DCUN1D4: variants seen among roughly 807,000 people sequenced by gnomAD.
DCUN1D4 encodes defective in cullin neddylation 1 domain containing 4, also known as DCN1-like protein 4.
A neutral mutation model predicts 47.9 loss-of-function variants in DCUN1D4; 22 were observed. The ratio of observed to expected loss-of-function variants is 0.46; its 90% CI spans 0.33 to 0.66. The LOEUF is 0.66. DCUN1D4 is among the 30% of genes least tolerant of loss of function. The probability of loss-of-function intolerance (pLI) is 0.02; values close to 1 mark genes in which losing one functional copy is unlikely to be tolerated. For synonymous variants in DCUN1D4, 121 were observed against 112.2 expected (o/e 1.08, Z -0.50); for missense variants, 301 against 340.8 (o/e 0.88, Z 0.92).
intron 1 of DCUN1D4, among the ~76,000 whole-genome samples, chr4:51,845,475 T>G (rs900632656): frequency 7.9e-5 from 12 of 152,192 alleles, no homozygotes; most frequent in African/African-American, 2.9e-4. Flanking sequence ...ACTTTTTTTG[T>G]TTGCTTGTTT....
chr4:51,912,610 C>G (rs1733867245), intron 9 of DCUN1D4, among the ~76,000 whole-genome samples: 1 of 152,190 alleles, frequency 6.6e-6, no homozygotes, highest in South Asian at 2.1e-4. Flanking sequence ...TACAGGGATA[C>G]TGTATTTTTA....
chr4:51,887,056 A>C lies in DCUN1D4; in HGVS notation c.414+418A>C, dbSNP rs571176418. On this transcript the variant is annotated intron_variant, in intron 6 of 10. Transcript: ENST00000334635. The stretch of plus-strand genomic sequence containing the variant: ...TTTTGAGTAGATTGTAATCATCAAG[A>C]ATTTTTCATAGATCGTTTACTTCCA... The C allele has an allele frequency of 1.1e-4, 51 of 452,572 alleles. No homozygotes were observed. In the East Asian group the frequency reaches 2.3e-3, roughly 20 times the overall value. 28.0% of individuals were successfully genotyped at this position (452,572 alleles called of 1,614,324 possible). A position where few individuals can be genotyped will look rare whatever the true frequency, so the allele number is the denominator to read the frequency against.
intron 5 of DCUN1D4, among the ~76,000 whole-genome samples, chr4:51,879,212 C>A (rs1351277768): frequency 6.6e-6 from 1 of 152,190 alleles, no homozygotes; most frequent in Admixed American, 6.5e-5. Flanking sequence ...CACATGGATG[C>A]TGTTAGCATT....
rs549796443 is a variant in DCUN1D4, at chr4:51,890,402, A to T, written c.415-1358A>T. ...GAAGCCTTAGGCTCTACGTAAAGAG[A>T]TCAAATTAACTGCCAGTGTCGGATA... On this transcript the variant is annotated intron_variant, in intron 6 of 10. Coordinates refer to ENST00000334635, the MANE Select transcript of DCUN1D4 (RefSeq NM_001040402.3). 3.3e-5 allele frequency among the ~76,000 whole-genome samples: 5 copies of T among 152,310 alleles called. No homozygotes were observed. The South Asian group carries it at 1.0e-3, about 32-fold the overall frequency.
intron 5 of DCUN1D4, among the ~76,000 whole-genome samples, chr4:51,885,884 A>G (rs1298434662): frequency 6.6e-6 from 1 of 152,212 alleles, no homozygotes; most frequent in Non-Finnish European, 1.5e-5. Context: ...AGATTTTCAG[A>G]TATCACACAA....
intron 1 of DCUN1D4, among the ~76,000 whole-genome samples, chr4:51,849,861 G>C (rs564199390): frequency 6.6e-6 from 1 of 151,988 alleles, no homozygotes; most frequent in Non-Finnish European, 1.5e-5. Flanking sequence ...GTGTGTGTGT[G>C]TGCGTGTTTT....
chr4:51,869,377 A>C (rs1037166951), intron 3 of DCUN1D4, among the ~76,000 whole-genome samples: 1 of 152,142 alleles, frequency 6.6e-6, no homozygotes, highest in African/African-American at 2.4e-5. Context: ...ATGAAAAGTG[A>C]GGTGAAATAG....
At chr4:51,863,381 T>C (rs1725377572) in intron 1 of DCUN1D4, 56 bp from the exon 2 acceptor site, 3 of 1,362,894 alleles carry the variant, frequency 2.2e-6, no homozygotes, top group African/African-American at 2.9e-5. Flanking sequence ...TCTGAGTTTG[T>C]TTTTTTACAA....
At chr4:51,902,622 C>CTGTT (rs1560514437) in intron 8 of DCUN1D4, among the ~76,000 whole-genome samples, 1 of 151,896 alleles carries the variant, frequency 6.6e-6, no homozygotes, top group Non-Finnish European at 1.5e-5. Flanking sequence ...TACTTTTAAC[C>CTGTT]TGTTTGTTTC....
intron 1 of DCUN1D4, chr4:51,844,864 C>T: frequency 3.0e-6 from 3 of 985,332 alleles, no homozygotes; most frequent in Non-Finnish European, 3.6e-6. Context: ...ATGCAGCGCG[C>T]CCTTGGAGCC....
At chr4:51,882,769 A>T (rs1560490871) in intron 5 of DCUN1D4, among the ~76,000 whole-genome samples, 3 of 152,138 alleles carry the variant, frequency 2.0e-5, no homozygotes, top group Non-Finnish European at 4.4e-5. Context: ...TCCATTTCAA[A>T]AAATAAATAA....
upstream of DCUN1D4, among the ~76,000 whole-genome samples, chr4:51,838,362 G>A (rs1721549610): frequency 2.6e-5 from 4 of 151,986 alleles, no homozygotes; most frequent in South Asian, 8.3e-4. Flanking sequence ...TCCCTAAAAA[G>A]AGGCCTGGTT....
rs17085814 is a variant in DCUN1D4 at position 51,850,402 on chromosome 4, T to A, written c.25+7135T>A. On this transcript the variant is annotated intron_variant, in intron 1 of 10. Transcript: ENST00000334635. Reference sequence around the variant, plus strand: ...GGTTTTCTCCCTGGATGTGATGATGTCTTTTAATTGTTATCTGGGTCAGGT... The same window carrying A: ...GGTTTTCTCCCTGGATGTGATGATGACTTTTAATTGTTATCTGGGTCAGGT... 5.4e-3 allele frequency among the ~76,000 whole-genome samples: 817 copies of A among 152,262 alleles called. 6 individuals are homozygous for A. Among genetic ancestry groups the A allele is most frequent in the African/African-American group, 0.018 (763 of 41,532 alleles).
chr4:51,877,765 T>C lies in DCUN1D4; in HGVS notation c.254T>C (p.Met85Thr), dbSNP rs957078703. ...LSAKKSRHDS[M>T]YRKYDSTRIK... ...AAAACTGCCTTTTCAATTTCCAGCA[T>C]GTATAGAAAATATGATTCGACTAGA... Residue 85 changes from methionine to threonine, a missense_variant and splice_region_variant, in exon 5 of 11, where the codon ATG (methionine) becomes ACG (threonine). Physicochemically the swap from Met to Thr is moderately conservative, Grantham distance 81. Transcript: ENST00000334635. 4 of 1,596,788 alleles carry C rather than the reference T, an allele frequency of 2.5e-6. No individual in the cohort carries two copies. Among genetic ancestry groups the C allele is most frequent in the Non-Finnish European group, 3.4e-6 (4 of 1,171,364 alleles).
At chr4:51,885,550 G>T (rs552290374) in intron 5 of DCUN1D4, among the ~76,000 whole-genome samples, 1 of 151,968 alleles carries the variant, frequency 6.6e-6, no homozygotes, top group Non-Finnish European at 1.5e-5. Context: ...GAAGATGAGT[G>T]TAGTTACGGC....
At position 51,875,549 on chromosome 4, in the gene DCUN1D4, A is replaced by G. The variant is rs147794072; in HGVS notation, c.251+1164A>G. 2.8e-3 allele frequency among the ~76,000 whole-genome samples: 420 copies of G among 152,338 alleles called. 3 individuals carry two copies. The highest frequency in any genetic ancestry group is 0.014 in the Middle Eastern group (4 of 294). On this transcript the variant is annotated intron_variant, in intron 4 of 10. Transcript: ENST00000334635. ...TAAAGTTCATCCATTTTAAGTGTAC[A>G]GTTTAGTGATTTTTATTAAGTTAAC... is the stretch of plus-strand genomic sequence containing the variant.
At chr4:51,899,484 G>GGA (rs1731772289) in intron 8 of DCUN1D4, 106 bp downstream of exon 8, 1 of 1,478,040 alleles carries the variant, frequency 6.8e-7, no homozygotes, top group African/African-American at 1.5e-5. Flanking sequence ...ACTTGAATAA[G>GGA]TTAACTCCCA....
chr4:51,854,448 C>T (rs1723826072), intron 1 of DCUN1D4, among the ~76,000 whole-genome samples: 1 of 152,070 alleles, frequency 6.6e-6, no homozygotes. Flanking sequence ...TCTGACCTGC[C>T]TCTTCACATT....
chr4:51,867,241 G>A (rs1199363732), intron 3 of DCUN1D4, among the ~76,000 whole-genome samples: 1 of 152,228 alleles, frequency 6.6e-6, no homozygotes, highest in East Asian at 1.9e-4. Context: ...GGAGACACCA[G>A]GAACCACAGA....
Sources: allele counts gnomAD v4.1 joint callset (sites outside exome capture counted in the v4.1 genomes callset), GRCh38; gene constraint gnomAD v4.1.1; transcripts MANE v1.5; gene names NCBI Gene and HGNC (gene_info 2026-07-23, HGNC 2026-07-21).